GRIK1: variants seen among roughly 807,000 people sequenced by gnomAD.
GRIK1 encodes the protein glutamate receptor ionotropic, kainate 1.
GRIK1 carries 69 observed loss-of-function variants against 105.7 expected under a neutral mutation model. That is an observed-to-expected ratio of 0.65 (90% CI 0.54 to 0.80). The LOEUF (loss-of-function observed/expected upper bound fraction) is 0.80, where lower values mean the gene tolerates loss of function less well. GRIK1 is among the 30% of genes least tolerant of loss of function. GRIK1 has a pLI of 0.00. For synonymous variants in GRIK1, 438 were observed against 431.3 expected (o/e 1.02, Z -0.19); for missense variants, 1,109 against 1,167.3 (o/e 0.95, Z 0.73).
intron 3 of GRIK1, among the ~76,000 whole-genome samples, chr21:29,689,420 G>C (rs2063543037): frequency 6.6e-6 from 1 of 152,062 alleles, no homozygotes; most frequent in Non-Finnish European, 1.5e-5. Context: ...TCTTATTAGA[G>C]CTGGAAAAAT....
intron 1 of GRIK1, among the ~76,000 whole-genome samples, chr21:29,767,902 G>A (rs900792593): frequency 7.8e-6 from 1 of 128,274 alleles, no homozygotes; most frequent in African/African-American, 2.8e-5. Context: ...GTGTGTGTGT[G>A]TATGTATTCC....
rs537286090 is a variant in GRIK1, at chr21:29,669,564, A to G, written c.726+3419T>C. Among the ~76,000 whole-genome samples the G allele has an allele frequency of 5.4e-4, 83 of 152,306 alleles. 1 individual carries two copies. Among genetic ancestry groups the G allele is most frequent in the African/African-American group, 1.9e-3 (79 of 41,572 alleles). On this transcript the variant is annotated intron_variant, in intron 4 of 17. Coordinates refer to ENST00000327783, the MANE Select transcript of GRIK1 (RefSeq NM_001330994.2). ...GTAAAGTGAGCACACAGGCTCTGAGATCAGGCAGTCTGGAGACCACATGGC... is the reference window on the plus strand; with the variant it reads ...GTAAAGTGAGCACACAGGCTCTGAGGTCAGGCAGTCTGGAGACCACATGGC...
chr21:29,758,667 A>C (rs55670159), intron 1 of GRIK1, among the ~76,000 whole-genome samples: 6,450 of 152,344 alleles, frequency 0.042, 196 homozygotes, highest in Non-Finnish European at 0.066. Context: ...GCCACAAAAC[A>C]TCATTAGACT....
intron 1 of GRIK1, among the ~76,000 whole-genome samples, chr21:29,761,855 C>T (rs534868180): frequency 6.6e-6 from 1 of 151,380 alleles, no homozygotes; most frequent in Non-Finnish European, 1.5e-5. Flanking sequence ...TCAAGCAATT[C>T]TCTGCCTCAG....
At chr21:29,914,573 G>T (rs1452678326) in intron 1 of GRIK1, among the ~76,000 whole-genome samples, 6 of 152,208 alleles carry the variant, frequency 3.9e-5, no homozygotes, top group Admixed American at 3.3e-4. Flanking sequence ...TCATTGGCTT[G>T]TTTCACAAAC....
intron 3 of GRIK1, among the ~76,000 whole-genome samples, chr21:29,684,258 C>A (rs971653414): frequency 9.3e-6 from 1 of 107,974 alleles, no homozygotes; most frequent in African/African-American, 3.3e-5. Flanking sequence ...TCATCTCTAT[C>A]TATCTATCTA....
intron 1 of GRIK1, among the ~76,000 whole-genome samples, chr21:29,790,436 C>T (rs1047021091): frequency 5.9e-5 from 9 of 151,850 alleles, no homozygotes; most frequent in Admixed American, 2.0e-4. Context: ...TAATGAATGC[C>T]CAGTTTCGTA....
At chr21:29,620,785 ATATATATC>A (rs1568897290) in intron 7 of GRIK1, among the ~76,000 whole-genome samples, 2 of 112,776 alleles carry the variant, frequency 1.8e-5, no homozygotes, top group African/African-American at 4.9e-5. Context: ...ATATATAGAT[ATATATATC>A]TATATATATA....
intron 1 of GRIK1, among the ~76,000 whole-genome samples, chr21:29,767,332 A>G (rs1173975248): frequency 6.6e-6 from 1 of 152,222 alleles, no homozygotes; most frequent in Non-Finnish European, 1.5e-5. Flanking sequence ...TCTATACATT[A>G]CAGCCTCTTA....
intron 1 of GRIK1, among the ~76,000 whole-genome samples, chr21:29,779,617 T>C (rs995538873): frequency 2.6e-5 from 4 of 152,094 alleles, no homozygotes; most frequent in Non-Finnish European, 5.9e-5. Context: ...TAATAAACTA[T>C]ATAAGGGGAG....
At chr21:29,606,694 ACAAAAAAAAC>A (rs2061626694) in intron 7 of GRIK1, among the ~76,000 whole-genome samples, 1 of 147,648 alleles carries the variant, frequency 6.8e-6, no homozygotes, top group African/African-American at 2.7e-5. Context: ...ACAAAACAAA[ACAAAAAAAAC>A]AAAAAAACCC....
At chr21:29,819,821 C>A (rs1601778116) in intron 1 of GRIK1, among the ~76,000 whole-genome samples, 1 of 151,974 alleles carries the variant, frequency 6.6e-6, no homozygotes, top group South Asian at 2.1e-4. Context: ...CCGTATGAGA[C>A]CCTGACCCAG....
intron 1 of GRIK1, 136 bp downstream of exon 1, chr21:29,939,247 C>G (rs141519495): frequency 3.4e-6 from 2 of 592,254 alleles, no homozygotes; most frequent in East Asian, 6.4e-5. Flanking sequence ...GTGTAGCCTC[C>G]CATGAGCACT....
At chr21:29,860,340 T>A (rs565795572) in intron 1 of GRIK1, among the ~76,000 whole-genome samples, 68 of 152,362 alleles carry the variant, frequency 4.5e-4, no homozygotes, top group African/African-American at 1.6e-3. Flanking sequence ...TGGATGCCTC[T>A]CTGTCTTTTG....
At chr21:29,567,860 G>A (rs928705453) in intron 14 of GRIK1, among the ~76,000 whole-genome samples, 7 of 152,016 alleles carry the variant, frequency 4.6e-5, no homozygotes, top group African/African-American at 1.7e-4. Context: ...TACAAAAATC[G>A]CTTTGAAGGA....
At chr21:29,862,273 T>A (rs469204) in intron 1 of GRIK1, among the ~76,000 whole-genome samples, 24,413 of 152,206 alleles carry the variant, frequency 0.16, 2,342 homozygotes, top group East Asian at 0.38. Context: ...CAGGCATGAA[T>A]CATCACACCT....
intron 1 of GRIK1, among the ~76,000 whole-genome samples, chr21:29,931,180 T>G (rs532586612): frequency 2.0e-5 from 3 of 152,294 alleles, no homozygotes; most frequent in African/African-American, 7.2e-5. Context: ...GAGTCCTTGG[T>G]TTTTACCTAA....
intron 3 of GRIK1, among the ~76,000 whole-genome samples, chr21:29,687,793 A>C (rs2063512206): frequency 2.6e-5 from 4 of 152,236 alleles, no homozygotes; most frequent in Admixed American, 2.0e-4. Context: ...TATTTTGTCT[A>C]AATACAATTT....
At chr21:29,579,985 G>GTATATATATGTATATATA (rs1568842961) in intron 13 of GRIK1, among the ~76,000 whole-genome samples, 7 of 144,612 alleles carry the variant, frequency 4.8e-5, no homozygotes, top group African/African-American at 1.6e-4. Flanking sequence ...ATATATATGT[G>GTATATATATGTATATATA]TGTATATATA....
Sources: allele counts gnomAD v4.1 joint callset (sites outside exome capture counted in the v4.1 genomes callset), GRCh38; gene constraint gnomAD v4.1.1; transcripts MANE v1.5; gene names NCBI Gene and HGNC (gene_info 2026-07-23, HGNC 2026-07-21).